The following EFTUD2 variants were observed in gnomAD, a reference collection of about 807,000 sequenced individuals.
The protein encoded by EFTUD2 is elongation factor Tu GTP binding domain containing 2.
EFTUD2 carries 9 observed loss-of-function variants against 114.3 expected under a neutral mutation model. The observed-to-expected ratio is 0.08, with a 90% CI of 0.05 to 0.14. The LOEUF (loss-of-function observed/expected upper bound fraction) is 0.14. Among genes scored for constraint, EFTUD2 ranks in the 10% least tolerant of loss-of-function variants. The pLI, the probability that EFTUD2 is intolerant of heterozygous loss-of-function variation, is 1.00. For synonymous variants in EFTUD2, 449 were observed against 462.3 expected, an observed-to-expected ratio of 0.97 and a Z score of 0.37; for missense variants, 765 against 1,241.2, an observed-to-expected ratio of 0.62 and a Z score of 5.76.
At chr17:44,892,583 T>C (rs977282633) in intron 2 of EFTUD2, among the ~76,000 whole-genome samples, 2 of 151,818 alleles carry the variant, frequency 1.3e-5, no homozygotes, top group Admixed American at 1.3e-4. Context: ...TGAATGAGAA[T>C]GTATTCATGA....
chr17:44,878,263 T>C (rs1280344824), intron 9 of EFTUD2, among the ~76,000 whole-genome samples: 2 of 152,224 alleles, frequency 1.3e-5, no homozygotes, highest in Non-Finnish European at 2.9e-5. Flanking sequence ...AGGAGAAGAA[T>C]AACCAGATTC....
chr17:44,898,762 T>C (rs767554645), intron 1 of EFTUD2, among the ~76,000 whole-genome samples: 2 of 152,252 alleles, frequency 1.3e-5, no homozygotes, highest in Non-Finnish European at 1.5e-5. Context: ...ACAAATGTTA[T>C]ACATTTATCA....
chr17:44,890,265 C>T (rs2051255328), intron 2 of EFTUD2, among the ~76,000 whole-genome samples: 1 of 151,786 alleles, frequency 6.6e-6, no homozygotes, highest in Non-Finnish European at 1.5e-5. Context: ...GGTCATCTGC[C>T]CACCTCAGCC....
chr17:44,860,267 C>T (rs2050632027), intron 17 of EFTUD2, 165 bp downstream of exon 17: 30 of 737,598 alleles, frequency 4.1e-5, no homozygotes, highest in South Asian at 3.8e-4. Context: ...CCTAATTCCT[C>T]GCATCTGAAC....
chr17:44,863,622 AG>A, intron 15 of EFTUD2, 32 bp downstream of exon 15: 1 of 1,600,404 alleles, frequency 6.2e-7, no homozygotes, highest in East Asian at 2.2e-5. Flanking sequence ...GGGGAAAAAA[AG>A]ACCAGAGAAC....
Position 44,863,761 on chromosome 17 carries a change from T to C in EFTUD2, c.1307A>G (p.Gln436Arg), listed in dbSNP as rs1449142521. ...GCCCACCTTTGGAGAAGGGATATGC[T>C]GCACACACATGTCCACAAAGCCTGT... ...EFTGFVDMCV[Q>R]HIPSPKVGAK... is the part of the protein sequence containing the mutation. Residue 436 changes from glutamine (Q) to arginine (R), a missense_variant, in exon 15 of 28, where the codon CAG (glutamine) becomes CGG (arginine). By Grantham distance (43) the Gln-to-Arg change is conservative. Coordinates refer to ENST00000426333, the MANE Select transcript of EFTUD2 (RefSeq NM_004247.4). The C allele has an allele frequency of 6.2e-7, 1 of 1,614,112 alleles. No individual in the cohort carries two copies. Among genetic ancestry groups the C allele is most frequent in the African/African-American group, 1.3e-5 (1 of 75,064 alleles).
chr17:44,872,090 T>C (rs560302788), intron 11 of EFTUD2, among the ~76,000 whole-genome samples: 1 of 152,298 alleles, frequency 6.6e-6, no homozygotes, highest in African/African-American at 2.4e-5. Context: ...TACGGCTGGC[T>C]AGAAGCACTA....
rs942731257 is a variant in EFTUD2, at chr17:44,876,176, A to G, written c.703-76T>C. 4.7e-6 allele frequency: 7 copies of G among 1,498,354 alleles called. No homozygotes were observed. The African/African-American group carries it at 5.6e-5, about 12-fold the overall frequency. The allele number at this position is 1,498,354 out of a possible 1,614,324, so 92.8% of individuals were successfully genotyped here. A position where few individuals can be genotyped will look rare whatever the true frequency, so the allele number is the denominator to read the frequency against. Reference sequence around the variant, plus strand: ...AGTTCAAAGCAGAACCAAAGAAGGCACTATTTCAAACCATGAAGCCTGGGG... The same window carrying G: ...AGTTCAAAGCAGAACCAAAGAAGGCGCTATTTCAAACCATGAAGCCTGGGG... On this transcript the variant is annotated intron_variant, in intron 9 of 27. Coordinates refer to ENST00000426333, the MANE Select transcript of EFTUD2 (RefSeq NM_004247.4).
At chr17:44,872,290 C>T (rs898509209) in intron 11 of EFTUD2, among the ~76,000 whole-genome samples, 156 bp downstream of exon 11, 1 of 152,182 alleles carries the variant, frequency 6.6e-6, no homozygotes, top group Non-Finnish European at 1.5e-5. Flanking sequence ...AAGAAAGGGT[C>T]TCAAGGCCAC....
rs762283826 is a variant in EFTUD2 at position 44,851,277 on chromosome 17, C to T, written c.2916G>A (p.Met972Ile). Residue 972 changes from methionine (M) to isoleucine (I), a missense_variant, in exon 28 of 28, where the codon ATG becomes ATA. By Grantham distance (10) the Met-to-Ile change is conservative. Transcript: ENST00000426333. ...AKQDVVLNYP[M>I] ...GAGCTCCCAGGAGTCCACGCACTCA[C>T]ATGGGGTAATTGAGCACAACATCCT... The T allele has an allele frequency of 7.4e-6, 12 of 1,613,910 alleles. No homozygotes were observed. Among genetic ancestry groups the T allele is most frequent in the African/African-American group, 1.3e-5 (1 of 74,940 alleles).
At position 44,862,158 on chromosome 17, in the gene EFTUD2, T is replaced by C. The variant is rs146826658; in HGVS notation, c.1607+555A>G. 5.3e-3 allele frequency among the ~76,000 whole-genome samples: 808 copies of C among 152,182 alleles called. 9 individuals are homozygous for C. Among genetic ancestry groups the C allele is most frequent in the African/African-American group, 0.019 (769 of 41,528 alleles). ...TGCTTTCAAAAGGGCTTTAAGATGGTGTGTGGTGGCTCACACCTGTAATCC... is the reference window on the plus strand; with the variant it reads ...TGCTTTCAAAAGGGCTTTAAGATGGCGTGTGGTGGCTCACACCTGTAATCC... On this transcript the variant is annotated intron_variant, in intron 16 of 27. Transcript: ENST00000426333.
chr17:44,888,371 A>G (rs2051214085), intron 2 of EFTUD2, among the ~76,000 whole-genome samples: 2 of 152,210 alleles, frequency 1.3e-5, no homozygotes, highest in South Asian at 4.1e-4. Flanking sequence ...GTCCTCACAG[A>G]AAGAATTATC....
At chr17:44,881,064 AATAC>A (rs2051064004) in intron 7 of EFTUD2, among the ~76,000 whole-genome samples, 1 of 152,224 alleles carries the variant, frequency 6.6e-6, no homozygotes, top group Admixed American at 6.5e-5. Context: ...ACTCCAAACA[AATAC>A]ATAAATACAT....
intron 2 of EFTUD2, among the ~76,000 whole-genome samples, chr17:44,891,246 G>A (rs972836573): frequency 9.9e-5 from 15 of 152,218 alleles, no homozygotes; most frequent in Admixed American, 6.5e-4. Context: ...GCAGGTATGG[G>A]AATGAGATAA....
chr17:44,890,060 T>A (rs1338401736), intron 2 of EFTUD2, among the ~76,000 whole-genome samples: 1 of 152,128 alleles, frequency 6.6e-6, no homozygotes. Flanking sequence ...GGGGCTGGAG[T>A]GCAGTGGCGC....
rs201219248 is a variant in EFTUD2 at position 44,883,716 on chromosome 17, G to A, written c.359C>T (p.Ala120Val). The change falls in exon 5 of 28, where the codon GCG becomes GTG. Residue 120 changes from alanine to valine, a missense_variant. By Grantham distance (64) the Ala-to-Val change is moderately conservative (BLOSUM62 0). This residue lies in a region of EFTUD2 where 19 missense variants were observed against 53.0 expected (regional missense o/e 0.36). Transcript: ENST00000426333. Reference sequence around the variant, plus strand: ...GAGCTCTGAGTTATCCATCAGATCCGCCAAGAAACTGAAAGGACAAAGGAA... The same window carrying A: ...GAGCTCTGAGTTATCCATCAGATCCACCAAGAAACTGAAAGGACAAAGGAA... ...PVTVYEMDFLADLMDNSELIR... is the reference protein window; with the variant it reads ...PVTVYEMDFLVDLMDNSELIR... The A allele has an allele frequency of 6.8e-6, 11 of 1,614,076 alleles. No individual in the cohort carries two copies. Among genetic ancestry groups the A allele is most frequent in the Non-Finnish European group, 9.3e-6 (11 of 1,179,942 alleles).
At chr17:44,880,689 G>GGGTT (rs757625350) in intron 7 of EFTUD2, 45 bp from the exon 8 acceptor site, 2 of 1,544,440 alleles carry the variant, frequency 1.3e-6, no homozygotes, top group East Asian at 4.5e-5. Flanking sequence ...TATGCAAGAG[G>GGGTT]GGTTCATTTT....
chr17:44,862,658 G>A, intron 16 of EFTUD2, 55 bp downstream of exon 16: 1 of 1,521,098 alleles, frequency 6.6e-7, no homozygotes. Flanking sequence ...AGCTCCTTGG[G>A]GGCAGCCCCT....
chr17:44,867,086 G>A (rs1340645594), intron 13 of EFTUD2, among the ~76,000 whole-genome samples: 3 of 152,164 alleles, frequency 2.0e-5, no homozygotes, highest in African/African-American at 4.8e-5. Context: ...CCACCTGGGC[G>A]ACAGAGTGGG....
Sources: allele counts gnomAD v4.1 joint callset (sites outside exome capture counted in the v4.1 genomes callset), GRCh38; gene constraint gnomAD v4.1.1; regional missense constraint gnomAD v4.1.1; transcripts MANE v1.5; gene names NCBI Gene and HGNC (gene_info 2026-07-23, HGNC 2026-07-21).